Variants in DNAI4 observed in about 807,000 individuals in gnomAD.
DNAI4 encodes the protein dynein axonemal intermediate chain 4, also known as WD repeat domain 78.
A neutral mutation model predicts 105.8 loss-of-function variants in DNAI4; 85 were observed. The ratio of observed to expected loss-of-function variants is 0.80; its 90% CI spans 0.67 to 0.96. The LOEUF (loss-of-function observed/expected upper bound fraction) is 0.96, where lower values mean the gene tolerates loss of function less well. Ranked by LOEUF, DNAI4 falls within the 40% of genes least tolerant of loss-of-function variation. DNAI4 has a pLI of 0.00. For synonymous variants in DNAI4, 352 were observed against 331.5 expected (o/e 1.06, Z -0.67); for missense variants, 1,014 against 1,005.6 (o/e 1.01, Z -0.11).
chr1:66,913,780 A>G (rs1649840090), intron 1 of DNAI4, among the ~76,000 whole-genome samples: 1 of 152,052 alleles, frequency 6.6e-6, no homozygotes, highest in African/African-American at 2.4e-5. Context: ...CAGGAAATCG[A>G]GACCATCCTG....
intron 13 of DNAI4, among the ~76,000 whole-genome samples, chr1:66,829,879 G>C (rs548470957): frequency 2.6e-5 from 4 of 152,064 alleles, no homozygotes; most frequent in African/African-American, 4.8e-5. Context: ...CTCTAATTAT[G>C]GTGGGATTGA....
At chr1:66,836,217 A>G (rs1196876589) in intron 10 of DNAI4, among the ~76,000 whole-genome samples, 3 of 112,758 alleles carry the variant, frequency 2.7e-5, no homozygotes, top group Middle Eastern at 4.1e-3. Flanking sequence ...AGAGAGAGAG[A>G]GAGAGAGAGA....
chr1:66,893,053 A>AG (rs1647895948), intron 3 of DNAI4, among the ~76,000 whole-genome samples, 176 bp downstream of exon 3: 3 of 66,560 alleles, frequency 4.5e-5, no homozygotes, highest in African/African-American at 1.8e-4. Context: ...GAAAGAAAGA[A>AG]AGAGAGAGAG....
chr1:66,916,891 T>C (rs1650111235), intron 1 of DNAI4, among the ~76,000 whole-genome samples: 2 of 150,734 alleles, frequency 1.3e-5, no homozygotes, highest in Admixed American at 1.3e-4. Context: ...ATTTTTGCCT[T>C]TTTTTTTTAA....
At chr1:66,816,557 A>C (rs1432738594) in intron 16 of DNAI4, among the ~76,000 whole-genome samples, 1 of 152,186 alleles carries the variant, frequency 6.6e-6, no homozygotes, top group Non-Finnish European at 1.5e-5. Flanking sequence ...TAACAAAAAA[A>C]CTAATTAATG....
chr1:66,908,962 A>G (rs1649456977), intron 1 of DNAI4, among the ~76,000 whole-genome samples: 1 of 152,036 alleles, frequency 6.6e-6, no homozygotes, highest in South Asian at 2.1e-4. Flanking sequence ...ATCTGTGCCT[A>G]TATTCTCTAT....
At chr1:66,861,443 T>A (rs1309651731) in intron 7 of DNAI4, among the ~76,000 whole-genome samples, 1 of 152,216 alleles carries the variant, frequency 6.6e-6, no homozygotes, top group Non-Finnish European at 1.5e-5. Context: ...GAAGTGGAAT[T>A]GAACAAACTT....
chr1:66,899,557 T>A (rs1344261669), intron 2 of DNAI4, among the ~76,000 whole-genome samples: 1 of 152,228 alleles, frequency 6.6e-6, no homozygotes, highest in Non-Finnish European at 1.5e-5. Context: ...ATGCTTTTGA[T>A]GCAAACATTT....
rs1471889541 is a variant in DNAI4, at chr1:66,892,979, AAGAAAGAAAGAAAGAAAGAG to A, written c.530+230_530+249del. ...AAAGAAAGAAAGAAAGAAAGAAAGA[AAGAAAGAAAGAAAGAAAGAG>A]AGAAAGAGAGAGAGGAAAGAAAGAA... On this transcript the variant is annotated intron_variant, in intron 3 of 16. Coordinates refer to ENST00000371026, the MANE Select transcript of DNAI4 (RefSeq NM_024763.5). 1.0e-4 allele frequency among the ~76,000 whole-genome samples: 14 copies of A among 136,688 alleles called. 1 individual carries two copies. Among genetic ancestry groups the A allele is most frequent in the African/African-American group, 4.0e-4 (13 of 32,574 alleles). The allele number at this position is 136,688 out of a possible 152,430, so 89.7% of individuals were successfully genotyped here. A position where few individuals can be genotyped will look rare whatever the true frequency, so the allele number is the denominator to read the frequency against.
chr1:66,875,906 C>T (rs941686009), intron 4 of DNAI4, among the ~76,000 whole-genome samples: 1 of 151,848 alleles, frequency 6.6e-6, no homozygotes, highest in Non-Finnish European at 1.5e-5. Context: ...TGTAATAATA[C>T]AAATTTTTGA....
chr1:66,818,581 A>T (rs954492608), intron 16 of DNAI4, among the ~76,000 whole-genome samples: 8 of 152,192 alleles, frequency 5.3e-5, no homozygotes, highest in African/African-American at 1.7e-4. Flanking sequence ...TAGACTGAGT[A>T]ATCTTTTGTA....
chr1:66,874,580 C>T (rs1403951209), intron 5 of DNAI4, among the ~76,000 whole-genome samples: 2 of 152,050 alleles, frequency 1.3e-5, no homozygotes, highest in African/African-American at 2.4e-5. Flanking sequence ...AAAATTTACA[C>T]ACAACATAAA....
chr1:66,856,451 C>T (rs1477045709), intron 7 of DNAI4, among the ~76,000 whole-genome samples: 1 of 151,486 alleles, frequency 6.6e-6, no homozygotes, highest in African/African-American at 2.4e-5. Context: ...CCAGCCTGGG[C>T]GACAGAGCGA....
intron 3 of DNAI4, among the ~76,000 whole-genome samples, chr1:66,892,950 G>GAAGAAAGAGAAGAAAGAAAGA (rs1553227438): frequency 3.3e-5 from 3 of 91,974 alleles, no homozygotes; most frequent in South Asian, 3.7e-4. Context: ...AGAAGAAAGA[G>GAAGAAAGAGAAGAAAGAAAGA]AAGAAAGAAA....
At position 66,824,928 on chromosome 1, in the gene DNAI4, T is replaced by C. The variant is rs1290420371; in HGVS notation, c.2339+1892A>G. Among the ~76,000 whole-genome samples, 3 of 152,338 alleles carry C rather than the reference T, an allele frequency of 2.0e-5. No individual in the cohort carries two copies. In the South Asian group the frequency reaches 6.2e-4, roughly 32 times the overall value. ...GTGGAATAAAATTCTACCTGCAGAATGCCTTTCTACTCAAGATTGCAACAT... is the reference window on the plus strand; with the variant it reads ...GTGGAATAAAATTCTACCTGCAGAACGCCTTTCTACTCAAGATTGCAACAT... On this transcript the variant is annotated intron_variant, in intron 15 of 16. Transcript: ENST00000371026.
intron 2 of DNAI4, among the ~76,000 whole-genome samples, chr1:66,899,776 G>C (rs1465534338): frequency 6.6e-6 from 1 of 152,086 alleles, no homozygotes; most frequent in African/African-American, 2.4e-5. Context: ...TCTTTTCCAG[G>C]TGGCAATCCA....
intron 8 of DNAI4, among the ~76,000 whole-genome samples, chr1:66,845,757 A>G (rs575348555): frequency 7.9e-5 from 12 of 152,118 alleles, no homozygotes; most frequent in Admixed American, 7.9e-4. Flanking sequence ...CAGACTCAAA[A>G]GAATACTTAC....
At chr1:66,835,546 T>C in intron 11 of DNAI4, 80 bp downstream of exon 11, 1 of 1,418,300 alleles carries the variant, frequency 7.1e-7, no homozygotes, top group Non-Finnish European at 9.7e-7. Flanking sequence ...CAAAAATATT[T>C]ACTCAAAACT....
At chr1:66,891,346 T>C in intron 3 of DNAI4, 80 bp from the exon 4 acceptor site, 2 of 937,410 alleles carry the variant, frequency 2.1e-6, no homozygotes, top group Non-Finnish European at 3.3e-6. Context: ...GAACATATTA[T>C]CAGATGGAGA....
Sources: gnomAD v4.1 joint callset for allele counts (sites outside exome capture counted in the v4.1 genomes callset) on GRCh38, gnomAD v4.1.1 for gene constraint, MANE v1.5 for transcripts, NCBI Gene and HGNC (gene_info 2026-07-23, HGNC 2026-07-21) for gene names.